OXR1: variants seen among roughly 807,000 people sequenced by gnomAD.
The protein encoded by OXR1 is oxidation resistance protein 1.
A neutral mutation model predicts 104.6 loss-of-function variants in OXR1; 41 were observed. The ratio of observed to expected loss-of-function variants is 0.39; its 90% confidence interval spans 0.31 to 0.51. The LOEUF is 0.51. Among genes scored for constraint, OXR1 ranks in the 20% least tolerant of loss-of-function variants. The pLI is 0.77. For missense variants in OXR1, 955 were observed against 1,031.9 expected (o/e 0.93, Z 1.02); for synonymous variants, 348 against 348.4 (o/e 1.00, Z 0.01).
intron 1 of OXR1, among the ~76,000 whole-genome samples, chr8:106,274,497 C>G (rs1261265621): frequency 6.6e-6 from 1 of 152,000 alleles, no homozygotes; most frequent in Non-Finnish European, 1.5e-5. Context: ...CTTTCTTGTT[C>G]TAATAACTAT....
chr8:106,450,647 G>A (rs913034437), intron 2 of OXR1, among the ~76,000 whole-genome samples: 2 of 152,212 alleles, frequency 1.3e-5, no homozygotes, highest in South Asian at 4.1e-4. Flanking sequence ...GTGCCAACTA[G>A]CATTCCAAGT....
At chr8:106,486,872 G>A (rs1010393802) in intron 2 of OXR1, among the ~76,000 whole-genome samples, 2 of 151,874 alleles carry the variant, frequency 1.3e-5, no homozygotes, top group Non-Finnish European at 2.9e-5. Flanking sequence ...ATTATAATAA[G>A]TTATAATAAT....
chr8:106,672,749 T>C (rs917474564), intron 3 of OXR1, among the ~76,000 whole-genome samples: 1 of 152,100 alleles, frequency 6.6e-6, no homozygotes, highest in African/African-American at 2.4e-5. Flanking sequence ...GTTTCCCCCA[T>C]GCTGTTCTTC....
Position 106,692,953 on chromosome 8 carries a change from A to G in OXR1, c.675+76A>G, listed in dbSNP as rs1450282697. ...TAATGTATGATAGTTTGGCATTTAC[A>G]TTTTAAGTCATCAATGTCAGAAAAT... On this transcript the variant is annotated intron_variant, in intron 7 of 16. Coordinates refer to ENST00000517566, the MANE Select transcript of OXR1 (RefSeq NM_001198533.2). The G allele has an allele frequency of 5.9e-6, 6 of 1,022,222 alleles. No homozygotes were observed. In the African/African-American group the frequency reaches 8.1e-5, roughly 14 times the overall value. 63.3% of individuals were successfully genotyped at this position (1,022,222 alleles called of 1,614,324 possible). A position where few individuals can be genotyped will look rare whatever the true frequency, so the allele number is the denominator to read the frequency against.
At chr8:106,728,285 T>A (rs1833542686) in intron 11 of OXR1, among the ~76,000 whole-genome samples, 1 of 151,694 alleles carries the variant, frequency 6.6e-6, no homozygotes, top group South Asian at 2.1e-4. Context: ...GAAATTTGAC[T>A]TTTTGGAGTT....
At chr8:106,726,868 G>C (rs539121982) in intron 11 of OXR1, among the ~76,000 whole-genome samples, 24 of 152,184 alleles carry the variant, frequency 1.6e-4, no homozygotes, top group African/African-American at 5.5e-4. Context: ...TTATTTTTCT[G>C]TACGTGTACA....
chr8:106,500,811 G>A (rs568215151), intron 2 of OXR1, among the ~76,000 whole-genome samples: 31 of 152,290 alleles, frequency 2.0e-4, no homozygotes, highest in Admixed American at 3.3e-4. Context: ...CAACAAAATT[G>A]CTATATCATC....
At chr8:106,672,374 C>A (rs1365388705) in intron 3 of OXR1, among the ~76,000 whole-genome samples, 1 of 151,186 alleles carries the variant, frequency 6.6e-6, no homozygotes, top group African/African-American at 2.4e-5. Context: ...GTAGTCCCAG[C>A]TACTCAGGAG....
At chr8:106,686,897 G>C (rs936260512) in intron 6 of OXR1, among the ~76,000 whole-genome samples, 1 of 152,226 alleles carries the variant, frequency 6.6e-6, no homozygotes, top group Admixed American at 6.5e-5. Context: ...AATATAGAAG[G>C]AGATAGAACC....
chr8:106,314,422 G>A (rs1021382353), intron 1 of OXR1, among the ~76,000 whole-genome samples: 5 of 152,184 alleles, frequency 3.3e-5, no homozygotes, highest in African/African-American at 1.2e-4. Context: ...ACTATAATAT[G>A]CTTGAGTCTA....
At chr8:106,553,677 C>T (rs1816048235) in intron 3 of OXR1, among the ~76,000 whole-genome samples, 1 of 152,144 alleles carries the variant, frequency 6.6e-6, no homozygotes, top group South Asian at 2.1e-4. Flanking sequence ...ATCACCAAAA[C>T]ATTATATAAT....
chr8:106,340,751 TTGAA>T (rs1414962805), intron 1 of OXR1, among the ~76,000 whole-genome samples: 3 of 152,116 alleles, frequency 2.0e-5, no homozygotes, highest in Non-Finnish European at 2.9e-5. Context: ...CAAATATGTG[TTGAA>T]TGAATGAATG....
chr8:106,704,506 T>C lies in OXR1; in HGVS notation c.860+1416T>C, dbSNP rs536905425. ...TCCACCTCCTGGGTTCAAGCGGTTC[T>C]CCTGCCTTAGCCTTCCGAGTAGCTG... On this transcript the variant is annotated intron_variant, in intron 8 of 16. Transcript: ENST00000517566. Among the ~76,000 whole-genome samples the C allele has an allele frequency of 1.7e-4, 24 of 142,818 alleles. No individual in the cohort carries two copies. The South Asian group carries it at 5.4e-3, about 32-fold the overall frequency. The allele number at this position is 142,818 out of a possible 152,430, so 93.7% of individuals were successfully genotyped here. A position where few individuals can be genotyped will look rare whatever the true frequency, so the allele number is the denominator to read the frequency against.
intron 1 of OXR1, among the ~76,000 whole-genome samples, chr8:106,339,519 A>AAAATATAT (rs869120573): frequency 1.5e-4 from 5 of 33,352 alleles, no homozygotes; most frequent in Admixed American, 6.0e-4. Context: ...AAAAAAAAAA[A>AAAATATAT]ATATATATAT....
intron 2 of OXR1, among the ~76,000 whole-genome samples, chr8:106,459,221 T>C (rs1820773917): frequency 6.6e-6 from 1 of 152,156 alleles, no homozygotes; most frequent in Non-Finnish European, 1.5e-5. Context: ...TATCACCTCT[T>C]ATTAAAGAAT....
chr8:106,558,786 T>C (rs1816468889), intron 3 of OXR1, among the ~76,000 whole-genome samples: 1 of 152,192 alleles, frequency 6.6e-6, no homozygotes, highest in Non-Finnish European at 1.5e-5. Flanking sequence ...GAGGGCCCAA[T>C]TAGCATTGGT....
chr8:106,314,233 A>G (rs1380826537), intron 1 of OXR1, among the ~76,000 whole-genome samples: 1 of 152,166 alleles, frequency 6.6e-6, no homozygotes, highest in East Asian at 1.9e-4. Context: ...AATCTGGGAA[A>G]CACCTTTGTA....
intron 1 of OXR1, among the ~76,000 whole-genome samples, chr8:106,321,600 C>T (rs9297380): frequency 0.34 from 51,627 of 151,984 alleles, 11,305 homozygotes; most frequent in African/African-American, 0.63. Context: ...GAAGTAAGAG[C>T]GAGGAGCGAG....
intron 3 of OXR1, among the ~76,000 whole-genome samples, chr8:106,536,016 C>A (rs575902011): frequency 3.3e-5 from 5 of 151,948 alleles, no homozygotes; most frequent in Non-Finnish European, 7.4e-5. Context: ...GTCAGGAAAT[C>A]GAGACCATCC....
Sources: gnomAD v4.1 joint callset for allele counts (sites outside exome capture counted in the v4.1 genomes callset) on GRCh38, gnomAD v4.1.1 for gene constraint, MANE v1.5 for transcripts, NCBI Gene and HGNC (gene_info 2026-07-23, HGNC 2026-07-21) for gene names.